Variants in BAZ1A observed in about 807,000 individuals in gnomAD.
BAZ1A encodes the protein bromodomain adjacent to zinc finger domain protein 1A.
In BAZ1A, 50 loss-of-function variants were observed where a neutral mutation model predicts 185.2. The observed-to-expected ratio is 0.27, with a 90% CI of 0.22 to 0.34. The LOEUF (loss-of-function observed/expected upper bound fraction) is 0.34, where lower values mean the gene tolerates loss of function less well. Among genes scored for constraint, BAZ1A ranks in the 10% least tolerant of loss-of-function variants. The pLI is 1.00. For synonymous variants in BAZ1A, 571 were observed against 615.6 expected, an observed-to-expected ratio of 0.93 and a Z score of 1.07; for missense variants, 1,356 against 1,839.9, an observed-to-expected ratio of 0.74 and a Z score of 4.81.
At chr14:34,840,450 G>A (rs1308612159) in intron 3 of BAZ1A, among the ~76,000 whole-genome samples, 1 of 152,038 alleles carries the variant, frequency 6.6e-6, no homozygotes, top group East Asian at 1.9e-4. Context: ...ATTATTATAT[G>A]CACAACTACC....
At position 34,784,193 on chromosome 14, in the gene BAZ1A, A is replaced by C. The variant is rs189517688; in HGVS notation, c.1832-266T>G. 6.0e-3 allele frequency among the ~76,000 whole-genome samples: 917 copies of C among 151,600 alleles called. 14 individuals are homozygous for C. Among genetic ancestry groups the C allele is most frequent in the African/African-American group, 0.021 (885 of 41,284 alleles). ...AGACCAGCCTGGCCAACATGGTGAA[A>C]CCCCAACTCTACTAAAAATACAAAA... On this transcript the variant is annotated intron_variant, in intron 14 of 26. Coordinates refer to ENST00000360310, the MANE Select transcript of BAZ1A (RefSeq NM_013448.3).
At chr14:34,832,213 C>CATATATATATATATATATATATATAT (rs1491212993) in intron 3 of BAZ1A, among the ~76,000 whole-genome samples, 141 of 78,400 alleles carry the variant, frequency 1.8e-3, no homozygotes, top group Admixed American at 4.5e-3. Flanking sequence ...CACACACACA[C>CATATATATATATATATATATATATAT]ACATATATAT....
chr14:34,845,452 C>T (rs1255514927), intron 3 of BAZ1A: 1 of 152,076 alleles, frequency 6.6e-6, no homozygotes, highest in Non-Finnish European at 1.5e-5. Context: ...AAATGAATTC[C>T]ACTTGTATTC....
intron 2 of BAZ1A, among the ~76,000 whole-genome samples, chr14:34,867,535 T>C (rs190397340): frequency 3.9e-5 from 6 of 152,344 alleles, no homozygotes; most frequent in Admixed American, 3.9e-4. Context: ...AGAACAGCAA[T>C]GGCACAAATG....
chr14:34,816,875 CA>C (rs1346636736), intron 4 of BAZ1A: 1 of 442,508 alleles, frequency 2.3e-6, no homozygotes, highest in Non-Finnish European at 4.5e-6. Context: ...AGTAATTACA[CA>C]CAATGTGATC....
intron 9 of BAZ1A, among the ~76,000 whole-genome samples, chr14:34,799,227 C>T (rs989418123): frequency 9.1e-6 from 1 of 110,466 alleles, no homozygotes; most frequent in Non-Finnish European, 1.7e-5. Context: ...TACACCAGGG[C>T]CTGTTGTGGG....
intron 3 of BAZ1A, among the ~76,000 whole-genome samples, chr14:34,857,018 T>C (rs1594907496): frequency 6.6e-6 from 1 of 151,304 alleles, no homozygotes; most frequent in East Asian, 1.9e-4. Context: ...TTCTTTTTTT[T>C]TTTTTTGAGA....
chr14:34,836,117 C>A (rs1220182288), intron 3 of BAZ1A, among the ~76,000 whole-genome samples: 1 of 27,380 alleles, frequency 3.7e-5, no homozygotes, highest in African/African-American at 9.6e-5. Flanking sequence ...CGGTGGCTCA[C>A]GCCTGTAATC....
intron 3 of BAZ1A, among the ~76,000 whole-genome samples, chr14:34,834,731 T>G (rs2042301473): frequency 6.6e-6 from 1 of 152,150 alleles, no homozygotes; most frequent in African/African-American, 2.4e-5. Flanking sequence ...CTAATAGATT[T>G]CTAGAGACTT....
At chr14:34,872,251 T>C (rs112862269) in intron 2 of BAZ1A, among the ~76,000 whole-genome samples, 6 of 152,202 alleles carry the variant, frequency 3.9e-5, no homozygotes, top group Admixed American at 2.0e-4. Flanking sequence ...AACCTAGTTA[T>C]TTAAAATGTT....
At chr14:34,773,503 C>CAAAA in intron 20 of BAZ1A, 69 bp downstream of exon 20, 14 of 1,148,824 alleles carry the variant, frequency 1.2e-5, no homozygotes, top group South Asian at 1.7e-5. Flanking sequence ...ACTTAAAAAC[C>CAAAA]AAAAAAAAAA....
intron 4 of BAZ1A, among the ~76,000 whole-genome samples, chr14:34,816,045 A>C (rs1594868624): frequency 6.8e-6 from 1 of 146,252 alleles, no homozygotes; most frequent in African/African-American, 2.5e-5. Context: ...ATCAAAGTAC[A>C]TATATTTTGA....
At chr14:34,832,341 C>T (rs1048836203) in intron 3 of BAZ1A, among the ~76,000 whole-genome samples, 1 of 150,042 alleles carries the variant, frequency 6.7e-6, no homozygotes, top group African/African-American at 2.4e-5. Context: ...CAAAATCTTC[C>T]AAGAAACTAA....
At chr14:34,870,052 C>G (rs746882244) in intron 2 of BAZ1A, among the ~76,000 whole-genome samples, 18 of 152,238 alleles carry the variant, frequency 1.2e-4, no homozygotes, top group Middle Eastern at 3.4e-3. Context: ...CAGCAGAAAA[C>G]AAATTGGCAA....
rs773500177 is a variant in BAZ1A, at chr14:34,836,378, C to CAAAAA, written c.393-10227_393-10223dup. ...TGGGCGACAGAGCGAGACTCCGTCT[C>CAAAAA]AAAAAAAAAAAAAAAAAAAAAAAAA... On this transcript the variant is annotated intron_variant, in intron 3 of 26. Coordinates refer to ENST00000360310, the MANE Select transcript of BAZ1A (RefSeq NM_013448.3). Among the ~76,000 whole-genome samples the CAAAAA allele has an allele frequency of 6.9e-4, 9 of 13,130 alleles. 2 individuals are homozygous for CAAAAA. Among genetic ancestry groups the CAAAAA allele is most frequent in the East Asian group, 0.016 (2 of 128 alleles). 8.6% of individuals were successfully genotyped at this position (13,130 alleles called of 152,430 possible). A position where few individuals can be genotyped will look rare whatever the true frequency, so the allele number is the denominator to read the frequency against.
intron 3 of BAZ1A, among the ~76,000 whole-genome samples, chr14:34,856,662 A>G (rs2042683669): frequency 6.6e-6 from 1 of 152,000 alleles, no homozygotes; most frequent in Non-Finnish European, 1.5e-5. Flanking sequence ...GTTCAAGACC[A>G]GCCTGGTCAA....
chr14:34,776,383 A>G lies in BAZ1A; in HGVS notation c.2369T>C (p.Leu790Ser), dbSNP rs759554095. 1.2e-6 allele frequency: 2 copies of G among 1,614,084 alleles called. No individual in the cohort carries two copies. The highest frequency in any genetic ancestry group is 2.2e-5 in the East Asian group (1 of 44,886). Residue 790 changes from leucine (L) to serine (S), a missense_variant, in exon 18 of 27, where the codon TTA becomes TCA. Leu to Ser is a moderately radical substitution (Grantham distance 145). Coordinates refer to ENST00000360310, the MANE Select transcript of BAZ1A (RefSeq NM_013448.3). ...QEHQRKEKEL[L>S]EKIQSAIACT... ...GGCTATGGCACTTTGGATTTTTTCT[A>G]AGAGCTCTTTCTCTTTTCGTTGGTG... is the stretch of plus-strand genomic sequence containing the variant.
intron 24 of BAZ1A, among the ~76,000 whole-genome samples, chr14:34,759,768 G>T (rs879866294): frequency 8.5e-5 from 13 of 152,136 alleles, no homozygotes; most frequent in Non-Finnish European, 1.6e-4. Flanking sequence ...TCTGCCTCCT[G>T]GGTTCAAGCA....
At position 34,753,450 on chromosome 14, in the gene BAZ1A, T is replaced by G; in HGVS notation, c.*58A>C. On this transcript the variant is annotated 3_prime_UTR_variant, in exon 27 of 27. Transcript: ENST00000360310. ...TATTGCTTTATACAGCATGATTTAA[T>G]GTTCCATTTTCATGAACAATTTGTT... 1.3e-6 allele frequency: 2 copies of G among 1,549,482 alleles called. No individual in the cohort carries two copies. Among genetic ancestry groups the G allele is most frequent in the Non-Finnish European group, 1.8e-6 (2 of 1,126,350 alleles).
Sources: gnomAD v4.1 joint callset for allele counts (sites outside exome capture counted in the v4.1 genomes callset) on GRCh38, gnomAD v4.1.1 for gene constraint, MANE v1.5 for transcripts, NCBI Gene and HGNC (gene_info 2026-07-23, HGNC 2026-07-21) for gene names.